The following DMD variants were observed in gnomAD, a reference collection of about 807,000 sequenced individuals.
DMD encodes the protein mutant dystrophin.
A neutral mutation model predicts 330.1 loss-of-function variants in DMD; 63 were observed. The ratio of observed to expected loss-of-function variants is 0.19; its 90% CI spans 0.16 to 0.24. DMD has a LOEUF of 0.24. Ranked by LOEUF, DMD falls within the 10% of genes least tolerant of loss-of-function variation. DMD has a pLI of 1.00. For missense variants in DMD, 3,344 were observed against 2,684.1 expected, an observed-to-expected ratio of 1.25 and a Z score of -5.43; for synonymous variants, 1,223 against 959.8, an observed-to-expected ratio of 1.27 and a Z score of -5.07.
chrX:32,001,041 G>A (rs781583387), intron 44 of DMD, among the ~76,000 whole-genome samples: 1 of 111,394 alleles, frequency 9.0e-6, no homozygotes, highest in South Asian at 3.8e-4. Context: ...CACTGACACT[G>A]CCATACATTA....
intron 11 of DMD, among the ~76,000 whole-genome samples, chrX:32,641,796 C>G (rs995539785): frequency 9.0e-6 from 1 of 110,698 alleles, no homozygotes; most frequent in African/African-American, 3.3e-5. Context: ...TATCCAAACC[C>G]TGTCTTAGGT....
intron 2 of DMD, among the ~76,000 whole-genome samples, chrX:32,870,970 A>AAG (rs2082918143): frequency 1.4e-5 from 1 of 70,404 alleles, no homozygotes; most frequent in African/African-American, 5.3e-5. Context: ...AAAAAAAAAA[A>AAG]AAAAAAAAAA....
rs139863049 is a variant in DMD, at chrX:32,661,661, T to C, written c.961-16509A>G. Among the ~76,000 whole-genome samples, 731 of 111,733 alleles carry C rather than the reference T, an allele frequency of 6.5e-3. 6 individuals are homozygous for C. The highest frequency in any genetic ancestry group is 0.023 in the African/African-American group (703 of 30,912). ...TCTCATACACTCACAGAATTGTGGA[T>C]AGATTTCTTTGATTCATCCAGTCTT... On this transcript the variant is annotated intron_variant, in intron 9 of 78. Coordinates refer to ENST00000357033, the MANE Select transcript of DMD (RefSeq NM_004006.3).
chrX:33,296,706 G>A (rs1354987268), intron 1 of DMD, among the ~76,000 whole-genome samples: 4 of 110,729 alleles, frequency 3.6e-5, no homozygotes, highest in Non-Finnish European at 7.6e-5. Context: ...TGTTTCAAAT[G>A]TATAATAATC....
chrX:32,905,731 T>C (rs757678451), intron 2 of DMD, among the ~76,000 whole-genome samples: 1 of 112,093 alleles, frequency 8.9e-6, no homozygotes, highest in African/African-American at 3.2e-5. Context: ...GCAGAGATTC[T>C]CAATCTTGGT....
At chrX:31,571,395 T>C (rs1006233906) in intron 55 of DMD, among the ~76,000 whole-genome samples, 1 of 91,018 alleles carries the variant, frequency 1.1e-5, no homozygotes, top group Non-Finnish European at 2.1e-5. Flanking sequence ...GCCTCAAATT[T>C]AGCATGTTAT....
intron 1 of DMD, among the ~76,000 whole-genome samples, chrX:33,104,824 A>G (rs1394957667): frequency 8.9e-6 from 1 of 112,687 alleles, no homozygotes; most frequent in Admixed American, 9.4e-5. Flanking sequence ...AAATATCAGT[A>G]ATAACCTAAA....
chrX:31,947,639 T>C (rs1397019077), intron 45 of DMD, among the ~76,000 whole-genome samples: 3 of 111,871 alleles, frequency 2.7e-5, no homozygotes, highest in African/African-American at 6.5e-5. Flanking sequence ...ATATCATTAA[T>C]TGAAAATGTA....
At chrX:32,880,299 C>CAAAAAAAAAAAA (rs756974936) in intron 2 of DMD, among the ~76,000 whole-genome samples, 40 of 106,072 alleles carry the variant, frequency 3.8e-4, no homozygotes, top group African/African-American at 1.3e-3. Context: ...AAAAAAAAGC[C>CAAAAAAAAAAAA]TTTTTCAGCT....
intron 43 of DMD, among the ~76,000 whole-genome samples, chrX:32,268,400 T>G (rs762577911): frequency 8.9e-6 from 1 of 111,866 alleles, no homozygotes; most frequent in South Asian, 3.8e-4. Context: ...AGAGTTGAAA[T>G]ATAAACACCT....
At chrX:31,628,436 G>A (rs2078965196) in intron 54 of DMD, among the ~76,000 whole-genome samples, 2 of 111,017 alleles carry the variant, frequency 1.8e-5, no homozygotes, top group Non-Finnish European at 3.8e-5. Flanking sequence ...GGAGGGCAAA[G>A]GAAGAAAGAC....
chrX:32,736,615 A>C (rs1189498510), intron 7 of DMD, among the ~76,000 whole-genome samples: 1 of 110,639 alleles, frequency 9.0e-6, no homozygotes, highest in Non-Finnish European at 1.9e-5. Context: ...TGTCCTTTGT[A>C]GGGACATGGA....
chrX:31,259,071 G>T (rs750391249), intron 63 of DMD, among the ~76,000 whole-genome samples: 1 of 111,452 alleles, frequency 9.0e-6, no homozygotes, highest in African/African-American at 3.3e-5. Flanking sequence ...GTGGGGTTAC[G>T]AATGATTTGT....
intron 4 of DMD, among the ~76,000 whole-genome samples, chrX:32,826,812 T>G (rs1404262796): frequency 9.0e-6 from 1 of 110,744 alleles, no homozygotes. Flanking sequence ...CAATATTGTA[T>G]TTTGAAAATT....
At chrX:32,470,555 C>A (rs1335492828) in intron 22 of DMD, among the ~76,000 whole-genome samples, 1 of 111,018 alleles carries the variant, frequency 9.0e-6, no homozygotes, top group Non-Finnish European at 1.9e-5. Flanking sequence ...GCTCATCTAA[C>A]TGCCTTTTCT....
intron 63 of DMD, among the ~76,000 whole-genome samples, chrX:31,251,809 C>G (rs1248473548): frequency 8.9e-6 from 1 of 112,407 alleles, no homozygotes; most frequent in African/African-American, 3.2e-5. Context: ...CAAAAATCAT[C>G]TTCTGCAGAT....
chrX:31,367,549 CCTA>C (rs1258207482), intron 60 of DMD, among the ~76,000 whole-genome samples: 1 of 111,544 alleles, frequency 9.0e-6, no homozygotes, highest in Non-Finnish European at 1.9e-5. Flanking sequence ...TGACAGACCA[CCTA>C]CTATTCTTTG....
intron 7 of DMD, among the ~76,000 whole-genome samples, chrX:32,727,949 T>G (rs975242148): frequency 2.7e-5 from 3 of 111,603 alleles, no homozygotes; most frequent in Non-Finnish European, 5.7e-5. Context: ...CATTACTGCT[T>G]GTCAGGAAAA....
chrX:33,064,280 C>T (rs1031827191), intron 1 of DMD, among the ~76,000 whole-genome samples: 4 of 110,930 alleles, frequency 3.6e-5, no homozygotes, highest in African/African-American at 1.3e-4. Context: ...AATGCCACCT[C>T]TACTAGTAAG....
Sources: gnomAD v4.1 joint callset for allele counts (sites outside exome capture counted in the v4.1 genomes callset) on GRCh38, gnomAD v4.1.1 for gene constraint, MANE v1.5 for transcripts, NCBI Gene and HGNC (gene_info 2026-07-23, HGNC 2026-07-21) for gene names.